Variants in PTBP3 observed in about 807,000 individuals in gnomAD.
PTBP3 encodes the protein polypyrimidine tract-binding protein 3.
Under a neutral mutation model 58.7 loss-of-function variants are expected in PTBP3, and 20 were observed. The ratio of observed to expected loss-of-function variants is 0.34; its 90% confidence interval spans 0.24 to 0.50. PTBP3 has a LOEUF of 0.50. Among genes scored for constraint, PTBP3 ranks in the 20% least tolerant of loss-of-function variants. The pLI is 0.98. For synonymous variants in PTBP3, 185 were observed against 219.8 expected, an observed-to-expected ratio of 0.84 and a Z score of 1.40; for missense variants, 509 against 637.2, an observed-to-expected ratio of 0.80 and a Z score of 2.17.
intron 4 of PTBP3, among the ~76,000 whole-genome samples, chr9:112,267,574 A>C (rs951737319): frequency 2.6e-5 from 4 of 152,230 alleles, no homozygotes; most frequent in African/African-American, 9.7e-5. Context: ...AACGTGTGCT[A>C]CATCAAAATA....
intron 12 of PTBP3, among the ~76,000 whole-genome samples, chr9:112,225,603 A>T (rs759768212): frequency 1.3e-4 from 20 of 152,180 alleles, no homozygotes; most frequent in East Asian, 1.9e-4. Context: ...CAGTTTTTTT[A>T]AAAAAGGTTG....
intron 7 of PTBP3, among the ~76,000 whole-genome samples, chr9:112,249,866 A>T (rs1315315072): frequency 6.6e-6 from 1 of 151,954 alleles, no homozygotes; most frequent in African/African-American, 2.4e-5. Flanking sequence ...TGTTATTAAA[A>T]TGGTAATGAC....
chr9:112,302,749 C>T (rs1828999058), intron 1 of PTBP3, among the ~76,000 whole-genome samples: 1 of 152,000 alleles, frequency 6.6e-6, no homozygotes. Flanking sequence ...CCCACAACAC[C>T]CAGCTAATTT....
intron 7 of PTBP3, among the ~76,000 whole-genome samples, chr9:112,241,323 C>G (rs944325039): frequency 8.5e-5 from 13 of 152,102 alleles, no homozygotes; most frequent in Admixed American, 2.6e-4. Flanking sequence ...AGGCTGGTCT[C>G]AAACTCTGGA....
At chr9:112,262,807 G>T (rs1371700405) in intron 4 of PTBP3, among the ~76,000 whole-genome samples, 1 of 152,170 alleles carries the variant, frequency 6.6e-6, no homozygotes, top group Non-Finnish European at 1.5e-5. Flanking sequence ...TTTTTAAAAG[G>T]TGCTTAAATT....
At chr9:112,225,784 C>T (rs1834964147) in intron 12 of PTBP3, among the ~76,000 whole-genome samples, 1 of 152,208 alleles carries the variant, frequency 6.6e-6, no homozygotes, top group African/African-American at 2.4e-5. Context: ...GAGCTGGGCA[C>T]AGTCGTTCAC....
chr9:112,343,476 G>T, the PTBP3 span, among the ~76,000 whole-genome samples: 28 of 152,264 alleles, frequency 1.8e-4, no homozygotes, highest in African/African-American at 6.7e-4. Flanking sequence ...TAAAAATTTT[G>T]TCAAGCAGTC....
intron 7 of PTBP3, among the ~76,000 whole-genome samples, chr9:112,248,290 A>G (rs1336673801): frequency 1.3e-5 from 2 of 152,160 alleles, no homozygotes; most frequent in Admixed American, 6.6e-5. Flanking sequence ...CCCATATAAC[A>G]AACAATGGAC....
upstream of PTBP3, chr9:112,333,774 G>T: frequency 3.9e-6 from 1 of 257,010 alleles, no homozygotes; most frequent in Non-Finnish European, 6.9e-6. Flanking sequence ...CCCTCGCCCC[G>T]CTGGCAGCCG....
At chr9:112,354,509 C>A in the PTBP3 span, among the ~76,000 whole-genome samples, 6 of 152,200 alleles carry the variant, frequency 3.9e-5, no homozygotes, top group African/African-American at 1.2e-4. Flanking sequence ...CCATACCACC[C>A]CCCTGGGGGT....
At chr9:112,340,709 G>C in the PTBP3 span, among the ~76,000 whole-genome samples, 1 of 151,740 alleles carries the variant, frequency 6.6e-6, no homozygotes, top group Admixed American at 6.6e-5. Flanking sequence ...GAGAAACCCC[G>C]TCTCTACTAA....
intron 3 of PTBP3, among the ~76,000 whole-genome samples, chr9:112,269,184 G>A (rs111532837): frequency 1.8e-3 from 203 of 111,540 alleles, no homozygotes; most frequent in African/African-American, 6.9e-3. Context: ...GTGACTGAGC[G>A]AAACTCTGTC....
intron 7 of PTBP3, among the ~76,000 whole-genome samples, chr9:112,237,619 G>C (rs368049305): frequency 6.6e-6 from 1 of 152,114 alleles, no homozygotes; most frequent in Non-Finnish European, 1.5e-5. Flanking sequence ...AAAAGTTGCC[G>C]AGATTATAAG....
intron 7 of PTBP3, among the ~76,000 whole-genome samples, chr9:112,235,302 T>C (rs889146433): frequency 7.2e-5 from 11 of 152,148 alleles, no homozygotes; most frequent in Admixed American, 5.9e-4. Context: ...GTACGAATTA[T>C]AGGAGATTCA....
At chr9:112,320,305 TATATATA>T (rs1453661976) in intron 1 of PTBP3, among the ~76,000 whole-genome samples, 2 of 53,898 alleles carry the variant, frequency 3.7e-5, no homozygotes, top group African/African-American at 2.8e-4. Context: ...TATATATATA[TATATATA>T]TATTTTTTTT....
At chr9:112,377,530 GT>G in the PTBP3 span, among the ~76,000 whole-genome samples, 1 of 152,132 alleles carries the variant, frequency 6.6e-6, no homozygotes, top group Non-Finnish European at 1.5e-5. Flanking sequence ...TCTTCCTTAA[GT>G]TATATAAACT....
At chr9:112,373,980 GT>G in the PTBP3 span, among the ~76,000 whole-genome samples, 1,213 of 151,582 alleles carry the variant, frequency 8.0e-3, 14 homozygotes, top group African/African-American at 0.023. Flanking sequence ...GCAGGTCGTG[GT>G]TTTTTTTTCC....
chr9:112,316,626 G>A (rs934282909), intron 1 of PTBP3, among the ~76,000 whole-genome samples: 1 of 152,178 alleles, frequency 6.6e-6, no homozygotes, highest in Non-Finnish European at 1.5e-5. Context: ...ACAAATAAAT[G>A]TTGTTTTAAG....
intron 12 of PTBP3, among the ~76,000 whole-genome samples, chr9:112,225,821 C>G (rs1227323355): frequency 1.3e-5 from 2 of 152,130 alleles, no homozygotes; most frequent in African/African-American, 2.4e-5. Flanking sequence ...CTTTGGGAGG[C>G]AGATTGCTTG....
Sources: allele counts gnomAD v4.1 joint callset (sites outside exome capture counted in the v4.1 genomes callset), GRCh38; gene constraint gnomAD v4.1.1; transcripts MANE v1.5; gene names NCBI Gene and HGNC (gene_info 2026-07-23, HGNC 2026-07-21).